Variants in TANGO6 observed in about 807,000 individuals in gnomAD.
The protein encoded by TANGO6 is transport and Golgi organization protein 6 homolog.
A neutral mutation model predicts 114.2 loss-of-function variants in TANGO6; 90 were observed. The observed-to-expected ratio is 0.79, with a 90% confidence interval of 0.66 to 0.94. The LOEUF (loss-of-function observed/expected upper bound fraction) is 0.94. TANGO6 is among the 40% of genes least tolerant of loss of function. TANGO6 has a pLI of 0.00. For synonymous variants in TANGO6, 477 were observed against 509.8 expected, an observed-to-expected ratio of 0.94 and a Z score of 0.87; for missense variants, 1,274 against 1,315.3, an observed-to-expected ratio of 0.97 and a Z score of 0.49.
intron 3 of TANGO6, among the ~76,000 whole-genome samples, chr16:68,865,230 C>T (rs953686485): frequency 2.0e-5 from 3 of 150,192 alleles, no homozygotes; most frequent in South Asian, 4.2e-4. Context: ...GAGCCCAGAT[C>T]GCGCCACTGC....
chr16:68,900,525 A>C lies in TANGO6; in HGVS notation c.1469A>C (p.Lys490Thr). 1 of 1,613,756 alleles carries C rather than the reference A, an allele frequency of 6.2e-7. No homozygotes were observed. The highest frequency in any genetic ancestry group is 8.5e-7 in the Non-Finnish European group (1 of 1,179,710). ...CTTTTTCTTCTCTACTGTTTTACTA[A>C]GCAGAGTGTGTCTCACATAAGGTAA... ...GVLFLLYCFT[K>T]QSVSHIRSLC... The change falls in exon 8 of 18, where the codon AAG becomes ACG. Residue 490 changes from lysine (K) to threonine (T), a missense_variant. Physicochemically the swap from Lys to Thr is moderately conservative, Grantham distance 78. Around this residue, in one of 5 missense-constraint regions of TANGO6, gnomAD observed 908 missense variants for 910.2 expected, o/e 1.00. Coordinates refer to ENST00000261778, the MANE Select transcript of TANGO6 (RefSeq NM_024562.2).
At chr16:69,045,295 T>C (rs1389568370) in intron 17 of TANGO6, among the ~76,000 whole-genome samples, 2 of 134,436 alleles carry the variant, frequency 1.5e-5, no homozygotes, top group Admixed American at 1.5e-4. Context: ...TCTACTAAAA[T>C]TAGCCGGGTG....
intron 15 of TANGO6, among the ~76,000 whole-genome samples, chr16:68,999,360 TG>T (rs1964019939): frequency 6.6e-6 from 1 of 152,226 alleles, no homozygotes; most frequent in African/African-American, 2.4e-5. Context: ...ACAGGGACTG[TG>T]TAGTTAAGGT....
intron 14 of TANGO6, among the ~76,000 whole-genome samples, chr16:68,947,474 T>A (rs1475154498): frequency 1.3e-5 from 2 of 152,032 alleles, no homozygotes; most frequent in Non-Finnish European, 2.9e-5. Context: ...TAAAAAGATG[T>A]ATTATGATTG....
At chr16:68,855,850 A>C (rs1961981565) in intron 1 of TANGO6, among the ~76,000 whole-genome samples, 1 of 150,862 alleles carries the variant, frequency 6.6e-6, no homozygotes, top group Non-Finnish European at 1.5e-5. Context: ...GTGCCACCGC[A>C]CTCTAGCCTT....
At chr16:68,975,681 C>T (rs1312724806) in intron 15 of TANGO6, among the ~76,000 whole-genome samples, 13 of 151,884 alleles carry the variant, frequency 8.6e-5, no homozygotes, top group Admixed American at 7.9e-4. Flanking sequence ...CCTCAGCCTC[C>T]CACATAGCTG....
chr16:68,862,385 C>G (rs929148970), intron 2 of TANGO6, among the ~76,000 whole-genome samples: 19 of 151,914 alleles, frequency 1.3e-4, no homozygotes, highest in African/African-American at 4.6e-4. Flanking sequence ...TTAGTAGAGG[C>G]AGGGTTTTGC....
intron 15 of TANGO6, among the ~76,000 whole-genome samples, chr16:68,994,785 A>G (rs1158575395): frequency 6.6e-6 from 1 of 151,692 alleles, no homozygotes; most frequent in African/African-American, 2.4e-5. Context: ...GGGTTTCACC[A>G]TGTTGCCCAC....
At chr16:68,982,487 G>A (rs1457277947) in intron 15 of TANGO6, among the ~76,000 whole-genome samples, 2 of 151,946 alleles carry the variant, frequency 1.3e-5, no homozygotes, top group Admixed American at 6.6e-5. Flanking sequence ...CTGCCACCAC[G>A]CCCCGCTAAT....
chr16:68,946,261 G>A (rs1255805744), intron 14 of TANGO6, among the ~76,000 whole-genome samples: 8 of 150,598 alleles, frequency 5.3e-5, no homozygotes, highest in Non-Finnish European at 8.9e-5. Context: ...GCACGATCTC[G>A]GCTCACTGCA....
At chr16:69,008,137 A>T (rs1304915852) in intron 15 of TANGO6, among the ~76,000 whole-genome samples, 1 of 151,834 alleles carries the variant, frequency 6.6e-6, no homozygotes, top group African/African-American at 2.4e-5. Context: ...TTCAGAAAAA[A>T]TAGACTTTTT....
intron 14 of TANGO6, among the ~76,000 whole-genome samples, chr16:68,942,891 T>C (rs1275747161): frequency 6.7e-6 from 1 of 150,322 alleles, no homozygotes; most frequent in African/African-American, 2.5e-5. Context: ...ATTTCATTTA[T>C]TTAATTTTTA....
intron 16 of TANGO6, among the ~76,000 whole-genome samples, chr16:69,028,261 C>T (rs1000690410): frequency 1.3e-5 from 2 of 152,110 alleles, no homozygotes; most frequent in African/African-American, 4.8e-5. Context: ...GCTCCCGGCC[C>T]TCCAAATATT....
At chr16:69,036,098 T>C (rs1383182989) in intron 16 of TANGO6, 1 of 150,272 alleles carries the variant, frequency 6.7e-6, no homozygotes. Context: ...ACTTAGAGTA[T>C]AGAAATAATA....
intron 17 of TANGO6, among the ~76,000 whole-genome samples, chr16:69,061,000 C>A (rs202212330): frequency 6.0e-5 from 9 of 149,082 alleles, no homozygotes; most frequent in African/African-American, 1.7e-4. Flanking sequence ...AAAAAAAAAA[C>A]AAAAAAAACA....
At position 68,985,931 on chromosome 16, in the gene TANGO6, A is replaced by G. The variant is rs897203040; in HGVS notation, c.2842+11763A>G. On this transcript the variant is annotated intron_variant, in intron 15 of 17. Transcript: ENST00000261778. ...ACTAAATGTTTAACCCTGACCAGCC[A>G]TCTCCAAAATGTGCAGCTTTGCTCC... Among the ~76,000 whole-genome samples the G allele has an allele frequency of 5.3e-5, 8 of 152,050 alleles. No homozygotes were observed. In the South Asian group the frequency reaches 1.2e-3, roughly 24 times the overall value.
intron 17 of TANGO6, among the ~76,000 whole-genome samples, chr16:69,069,092 A>C (rs753969352): frequency 4.5e-4 from 69 of 152,270 alleles, no homozygotes; most frequent in Non-Finnish European, 7.4e-5. Context: ...TTTATAGACG[A>C]GATCACTGGG....
intron 14 of TANGO6, among the ~76,000 whole-genome samples, chr16:68,935,641 A>G (rs1479403545): frequency 1.3e-5 from 2 of 152,160 alleles, no homozygotes; most frequent in Non-Finnish European, 2.9e-5. Flanking sequence ...TCAGGCAGAG[A>G]ATTATGTATA....
At position 68,909,326 on chromosome 16, in the gene TANGO6, G is replaced by A. The variant is rs551014395; in HGVS notation, c.1916G>A (p.Arg639Gln). ...ACTCTTCTTGTGGAAGGCCAAGAGCGGAAGCTGCTTGTCCTGCAGCTGATG... is the reference window on the plus strand; with the variant it reads ...ACTCTTCTTGTGGAAGGCCAAGAGCAGAAGCTGCTTGTCCTGCAGCTGATG... ...HQTLLVEGQE[R>Q]KLLVLQLMAV... The change falls in exon 11 of 18, where the codon CGG becomes CAG. Residue 639 changes from arginine (R) to glutamine (Q), a missense_variant. By Grantham distance (43) the Arg-to-Gln change is conservative. Around this residue, in one of 5 missense-constraint regions of TANGO6, gnomAD observed 908 missense variants for 910.2 expected, o/e 1.00. Coordinates refer to ENST00000261778, the MANE Select transcript of TANGO6 (RefSeq NM_024562.2). The A allele has an allele frequency of 1.6e-5, 26 of 1,608,856 alleles. No homozygotes were observed. The East Asian group carries it at 4.3e-4, about 26-fold the overall frequency.
Sources: gnomAD v4.1 joint callset for allele counts (sites outside exome capture counted in the v4.1 genomes callset) on GRCh38, gnomAD v4.1.1 for gene constraint, gnomAD v4.1.1 regional missense constraint, MANE v1.5 for transcripts, NCBI Gene and HGNC (gene_info 2026-07-23, HGNC 2026-07-21) for gene names.